The following KCNB2 variants were observed in gnomAD, a reference collection of about 807,000 sequenced individuals.
KCNB2 encodes potassium voltage-gated channel subfamily B member 2, also known as delayed rectifier potassium channel protein.
In KCNB2, 15 loss-of-function variants were observed where a neutral mutation model predicts 61.5. The observed-to-expected ratio is 0.24, with a 90% CI of 0.16 to 0.38. The LOEUF (loss-of-function observed/expected upper bound fraction) is 0.38, where lower values mean the gene tolerates loss of function less well. KCNB2 is among the 10% of genes least tolerant of loss of function. The pLI is 1.00. For missense variants in KCNB2, 828 were observed against 1,125.2 expected, an observed-to-expected ratio of 0.74 and a Z score of 3.78; for synonymous variants, 457 against 446.0, an observed-to-expected ratio of 1.02 and a Z score of -0.31.
intron 2 of KCNB2, among the ~76,000 whole-genome samples, chr8:72,569,860 A>T (rs745973309): frequency 6.6e-6 from 1 of 152,206 alleles, no homozygotes; most frequent in Non-Finnish European, 1.5e-5. Flanking sequence ...AAATTTCCAG[A>T]GAAAGTTAGC....
At chr8:72,898,555 A>G (rs1200916761) in intron 2 of KCNB2, among the ~76,000 whole-genome samples, 3 of 152,196 alleles carry the variant, frequency 2.0e-5, no homozygotes, top group South Asian at 4.1e-4. Flanking sequence ...TACCAAATGT[A>G]TTGAAGTCAA....
intron 2 of KCNB2, among the ~76,000 whole-genome samples, chr8:72,870,837 T>C (rs1805603690): frequency 6.6e-6 from 1 of 152,120 alleles, no homozygotes; most frequent in Non-Finnish European, 1.5e-5. Flanking sequence ...ATTTGCCAGG[T>C]GTGGTGCCAT....
At chr8:72,603,753 T>G (rs2128982723) in intron 2 of KCNB2, among the ~76,000 whole-genome samples, 1 of 152,258 alleles carries the variant, frequency 6.6e-6, no homozygotes, top group South Asian at 2.1e-4. Flanking sequence ...TAAGATGAGA[T>G]CACACTGGAG....
chr8:72,793,124 A>G (rs1484279236), intron 2 of KCNB2, among the ~76,000 whole-genome samples: 1 of 152,244 alleles, frequency 6.6e-6, no homozygotes, highest in Non-Finnish European at 1.5e-5. Context: ...TCTGATGATT[A>G]CACGGATACC....
At chr8:72,901,155 G>A (rs1214251576) in intron 2 of KCNB2, among the ~76,000 whole-genome samples, 1 of 152,148 alleles carries the variant, frequency 6.6e-6, no homozygotes, top group African/African-American at 2.4e-5. Flanking sequence ...AGAGACCCGT[G>A]GGAACACCAC....
chr8:72,798,217 A>G (rs920340885), intron 2 of KCNB2, among the ~76,000 whole-genome samples: 1 of 152,162 alleles, frequency 6.6e-6, no homozygotes, highest in Non-Finnish European at 1.5e-5. Flanking sequence ...GATTAGTGAT[A>G]CCCATAGGAA....
At chr8:72,922,862 C>T (rs947554801) in intron 2 of KCNB2, among the ~76,000 whole-genome samples, 1 of 152,150 alleles carries the variant, frequency 6.6e-6, no homozygotes, top group African/African-American at 2.4e-5. Context: ...AAGGACATGC[C>T]CATGGCACAG....
intron 2 of KCNB2, among the ~76,000 whole-genome samples, chr8:72,837,325 T>C (rs1047431855): frequency 2.0e-5 from 3 of 152,228 alleles, no homozygotes; most frequent in African/African-American, 7.2e-5. Flanking sequence ...TTGACTGAAC[T>C]ACCATTATGT....
At chr8:72,664,440 A>G (rs951126344) in intron 2 of KCNB2, among the ~76,000 whole-genome samples, 1 of 152,204 alleles carries the variant, frequency 6.6e-6, no homozygotes, top group South Asian at 2.1e-4. Flanking sequence ...TTCTCCCCCA[A>G]TAGTTCCAGC....
At chr8:72,729,357 A>T (rs1055047631) in intron 2 of KCNB2, among the ~76,000 whole-genome samples, 1 of 152,122 alleles carries the variant, frequency 6.6e-6, no homozygotes, top group African/African-American at 2.4e-5. Context: ...GATATAGAGG[A>T]CCCTGAAGGT....
chr8:72,731,451 A>G (rs1290597965), intron 2 of KCNB2, among the ~76,000 whole-genome samples: 3 of 152,222 alleles, frequency 2.0e-5, no homozygotes, highest in Non-Finnish European at 4.4e-5. Flanking sequence ...ATCTGCCAAG[A>G]GAGTTTGCCC....
chr8:72,817,702 T>C (rs149982444), intron 2 of KCNB2, among the ~76,000 whole-genome samples: 112 of 152,300 alleles, frequency 7.4e-4, no homozygotes, highest in African/African-American at 2.5e-3. Flanking sequence ...CCTAGGAATT[T>C]ATGGGTGAGT....
chr8:72,575,115 A>G (rs534895371), intron 2 of KCNB2, among the ~76,000 whole-genome samples: 1 of 152,272 alleles, frequency 6.6e-6, no homozygotes, highest in South Asian at 2.1e-4. Context: ...TTAAGCATTT[A>G]TGTTCTGTAG....
At chr8:72,842,027 A>G (rs1275619068) in intron 2 of KCNB2, among the ~76,000 whole-genome samples, 1 of 152,224 alleles carries the variant, frequency 6.6e-6, no homozygotes, top group African/African-American at 2.4e-5. Flanking sequence ...GAACGCGCCT[A>G]GCTTTTGCCC....
intron 2 of KCNB2, among the ~76,000 whole-genome samples, chr8:72,816,742 T>C (rs1265664986): frequency 2.0e-5 from 3 of 152,228 alleles, no homozygotes; most frequent in Non-Finnish European, 4.4e-5. Context: ...GTCTTCATTT[T>C]TGAAGCATCT....
At chr8:72,633,032 G>T (rs1360748734) in intron 2 of KCNB2, among the ~76,000 whole-genome samples, 1 of 152,170 alleles carries the variant, frequency 6.6e-6, no homozygotes, top group Non-Finnish European at 1.5e-5. Flanking sequence ...AGTCCAGTGG[G>T]CTTGACTGGC....
chr8:72,886,538 G>C (rs1010311230), intron 2 of KCNB2, among the ~76,000 whole-genome samples: 1 of 151,386 alleles, frequency 6.6e-6, no homozygotes, highest in Admixed American at 6.6e-5. Flanking sequence ...TTTCTATCTG[G>C]GAAACATCAG....
intron 2 of KCNB2, among the ~76,000 whole-genome samples, chr8:72,854,945 A>C (rs1379528192): frequency 6.6e-6 from 1 of 152,198 alleles, no homozygotes; most frequent in Non-Finnish European, 1.5e-5. Flanking sequence ...ATCTCAGTCC[A>C]GTGAAAATGT....
intron 2 of KCNB2, among the ~76,000 whole-genome samples, chr8:72,719,908 A>G (rs1807519822): frequency 6.6e-6 from 1 of 152,226 alleles, no homozygotes; most frequent in Non-Finnish European, 1.5e-5. Flanking sequence ...GATGGTTAAG[A>G]AACAGATGGT....
Sources: gnomAD v4.1 joint callset for allele counts (sites outside exome capture counted in the v4.1 genomes callset) on GRCh38, gnomAD v4.1.1 for gene constraint, MANE v1.5 for transcripts, NCBI Gene and HGNC (gene_info 2026-07-23, HGNC 2026-07-21) for gene names.